ANO4: variants seen among roughly 807,000 people sequenced by gnomAD.
ANO4 encodes the protein anoctamin-4.
In ANO4, 69 loss-of-function variants were observed where a neutral mutation model predicts 141.9. That is an observed-to-expected ratio of 0.49 (90% CI 0.40 to 0.59). The LOEUF (loss-of-function observed/expected upper bound fraction) is 0.59, where lower values mean the gene tolerates loss of function less well. Among genes scored for constraint, ANO4 ranks in the 20% least tolerant of loss-of-function variants. The probability of loss-of-function intolerance (pLI) is 0.00; values close to 1 mark genes in which losing one functional copy is unlikely to be tolerated. For missense variants in ANO4, 894 were observed against 1,162.2 expected, an observed-to-expected ratio of 0.77 and a Z score of 3.36; for synonymous variants, 350 against 394.3, an observed-to-expected ratio of 0.89 and a Z score of 1.33.
rs564512589 is a variant in ANO4, at chr12:100,991,175, C to T, written c.734+3505C>T. 9.9e-4 allele frequency among the ~76,000 whole-genome samples: 150 copies of T among 152,202 alleles called. 3 individuals carry two copies. In the South Asian group the frequency reaches 0.03, roughly 30 times the overall value. On this transcript the variant is annotated intron_variant, in intron 8 of 27. Transcript: ENST00000392977. ...GGATTTATTTCTCTTTGAAAATTGC[C>T]ATGTCACATAGATAGCATCCCTCGG...
chr12:100,901,709 C>A lies in ANO4; in HGVS notation c.-77C>A. On this transcript the variant is annotated 5_prime_UTR_variant, in exon 2 of 28. Transcript: ENST00000392977. ...CAAATCCATCAACGGCGAAGTGTGGCAAGCCGCCCAGCGTCACGTCGTCGC... is the reference window on the plus strand; with the variant it reads ...CAAATCCATCAACGGCGAAGTGTGGAAAGCCGCCCAGCGTCACGTCGTCGC... The A allele has an allele frequency of 7.4e-7, 1 of 1,352,016 alleles. No homozygotes were observed. The highest frequency in any genetic ancestry group is 1.1e-6 in the Non-Finnish European group (1 of 941,312). 83.8% of individuals were successfully genotyped at this position (1,352,016 alleles called of 1,614,324 possible).
At chr12:100,742,884 G>A (rs1364484747) in intron 3 of ANO4, among the ~76,000 whole-genome samples, 2 of 152,078 alleles carry the variant, frequency 1.3e-5, no homozygotes, top group Non-Finnish European at 2.9e-5. Context: ...ACTTAACCCT[G>A]CTTGTCACCT....
chr12:101,068,586 G>A, intron 14 of ANO4: 1 of 1,411,478 alleles, frequency 7.1e-7, no homozygotes, highest in African/African-American at 1.4e-5. Context: ...TTCTTCAAAA[G>A]TGTGGTGAAA....
At chr12:100,919,834 C>G (rs562460642) in intron 2 of ANO4, among the ~76,000 whole-genome samples, 1 of 151,718 alleles carries the variant, frequency 6.6e-6, no homozygotes, top group East Asian at 1.9e-4. Flanking sequence ...TCATTATAAA[C>G]GAGCATTTTC....
chr12:101,111,655 T>C lies in ANO4; in HGVS notation c.2395T>C (p.Leu799=). Residue 799 remains leucine (L), a synonymous_variant, in exon 24 of 28, where the codon TTG becomes CTG. Transcript: ENST00000392977. ...IAITSDFIPR[L]VYAYKYGPCA... Reference sequence around the variant, plus strand: ...GATAACATCTGACTTTATCCCTCGCTTGGTGTATGCTTATAAGTATGGACC... The same window carrying C: ...GATAACATCTGACTTTATCCCTCGCCTGGTGTATGCTTATAAGTATGGACC... 6.2e-7 allele frequency: 1 copy of C among 1,613,434 alleles called. No homozygotes were observed. The highest frequency in any genetic ancestry group is 8.5e-7 in the Non-Finnish European group (1 of 1,179,688).
At chr12:100,981,175 CT>C (rs2044443095) in intron 7 of ANO4, among the ~76,000 whole-genome samples, 1 of 152,116 alleles carries the variant, frequency 6.6e-6, no homozygotes, top group Non-Finnish European at 1.5e-5. Context: ...TTTTAAAAAA[CT>C]AATACATGTA....
At chr12:100,746,314 G>C (rs561236694) in intron 3 of ANO4, among the ~76,000 whole-genome samples, 1 of 152,120 alleles carries the variant, frequency 6.6e-6, no homozygotes, top group African/African-American at 2.4e-5. Flanking sequence ...TTAGCTGGGC[G>C]TGGTGTCATG....
chr12:100,881,031 G>C (rs1249272996), intron 1 of ANO4, among the ~76,000 whole-genome samples: 1 of 149,816 alleles, frequency 6.7e-6, no homozygotes, highest in East Asian at 2.0e-4. Flanking sequence ...GCGGTGTTTG[G>C]TTTTTTGTCC....
chr12:101,008,347 A>G (rs1404370148), intron 8 of ANO4, among the ~76,000 whole-genome samples: 5 of 152,166 alleles, frequency 3.3e-5, no homozygotes, highest in African/African-American at 9.7e-5. Flanking sequence ...TATTTTGGCA[A>G]TTAATGCCTC....
At chr12:100,729,742 A>G (rs1444552653) in intron 1 of ANO4, among the ~76,000 whole-genome samples, 2 of 152,214 alleles carry the variant, frequency 1.3e-5, no homozygotes, top group African/African-American at 4.8e-5. Flanking sequence ...TTTTAATTCC[A>G]GTAGGTAAGA....
intron 14 of ANO4, among the ~76,000 whole-genome samples, chr12:101,076,486 A>G (rs1273916726): frequency 2.0e-5 from 3 of 152,202 alleles, no homozygotes; most frequent in East Asian, 1.9e-4. Flanking sequence ...CAGGGAATTA[A>G]TGGTTAGAAT....
rs11110661 is a variant in ANO4, at chr12:101,111,541, C to T, written c.2303-22C>T. On this transcript the variant is annotated intron_variant, in intron 23 of 27. Coordinates refer to ENST00000392977, the MANE Select transcript of ANO4 (RefSeq NM_001286615.2). Reference sequence around the variant, plus strand: ...ACCTCTGTTTTGTGTATGGAACTAACACAACACTTCTATTTGAATAGGAAT... The same window carrying T: ...ACCTCTGTTTTGTGTATGGAACTAATACAACACTTCTATTTGAATAGGAAT... The T allele has an allele frequency of 1.0e-3, 1,596 of 1,580,504 alleles. 18 individuals are homozygous for T. In the East Asian group the frequency reaches 0.027, roughly 27 times the overall value.
intron 1 of ANO4, among the ~76,000 whole-genome samples, chr12:100,854,038 C>A (rs750509050): frequency 5.9e-5 from 9 of 152,104 alleles, no homozygotes; most frequent in Admixed American, 6.6e-5. Context: ...TGTCTGGCTT[C>A]TAAGAAGGAG....
chr12:100,914,377 C>T (rs2041243406), intron 2 of ANO4, among the ~76,000 whole-genome samples: 1 of 152,222 alleles, frequency 6.6e-6, no homozygotes, highest in South Asian at 2.1e-4. Context: ...CAGCATTAAT[C>T]ATTTGAGGGA....
intron 3 of ANO4, among the ~76,000 whole-genome samples, chr12:100,779,388 T>G (rs1236118181): frequency 6.6e-6 from 1 of 152,240 alleles, no homozygotes; most frequent in African/African-American, 2.4e-5. Context: ...GGCATAACAA[T>G]GAGCTTGCAG....
chr12:100,976,684 A>G (rs2136291700), intron 7 of ANO4, among the ~76,000 whole-genome samples: 1 of 152,274 alleles, frequency 6.6e-6, no homozygotes, highest in East Asian at 1.9e-4. Flanking sequence ...TGTTTTGGAA[A>G]CCATTGGTCT....
At chr12:100,758,207 G>A (rs1020929740) in intron 3 of ANO4, among the ~76,000 whole-genome samples, 7 of 152,182 alleles carry the variant, frequency 4.6e-5, no homozygotes, top group South Asian at 2.1e-4. Flanking sequence ...ACCTGCCCGC[G>A]GTCTTGGCTC....
At chr12:100,977,273 C>A (rs1398397134) in intron 7 of ANO4, among the ~76,000 whole-genome samples, 1 of 152,264 alleles carries the variant, frequency 6.6e-6, no homozygotes, top group Admixed American at 6.5e-5. Flanking sequence ...TCTCTCCTTT[C>A]TTCTATCCTC....
chr12:101,114,427 CT>C (rs2137030508), intron 24 of ANO4, among the ~76,000 whole-genome samples: 1 of 152,248 alleles, frequency 6.6e-6, no homozygotes, highest in South Asian at 2.1e-4. Flanking sequence ...ACATTTAATG[CT>C]TTGCACTCAG....
Sources: gnomAD v4.1 joint callset for allele counts (sites outside exome capture counted in the v4.1 genomes callset) on GRCh38, gnomAD v4.1.1 for gene constraint, MANE v1.5 for transcripts, NCBI Gene and HGNC (gene_info 2026-07-23, HGNC 2026-07-21) for gene names.